Variants in STAM observed in about 807,000 individuals in gnomAD.
The protein encoded by STAM is signal transducing adaptor molecule.
STAM carries 16 observed loss-of-function variants against 63.4 expected under a neutral mutation model. The observed-to-expected ratio is 0.25, with a 90% CI of 0.17 to 0.38. The LOEUF is 0.38. Among genes scored for constraint, STAM ranks in the 10% least tolerant of loss-of-function variants. STAM has a pLI of 1.00. For synonymous variants in STAM, 238 were observed against 223.9 expected, an observed-to-expected ratio of 1.06 and a Z score of -0.56; for missense variants, 636 against 657.1, an observed-to-expected ratio of 0.97 and a Z score of 0.35.
intron 1 of STAM, among the ~76,000 whole-genome samples, chr10:17,644,610 C>T (rs1253933414): frequency 6.6e-6 from 1 of 152,114 alleles, no homozygotes; most frequent in African/African-American, 2.4e-5. Flanking sequence ...CTGTAGGTTG[C>T]CAAAGAACTG....
At chr10:17,685,792 G>T (rs1462501236) in intron 4 of STAM, among the ~76,000 whole-genome samples, 2 of 152,106 alleles carry the variant, frequency 1.3e-5, no homozygotes, top group African/African-American at 4.8e-5. Flanking sequence ...GGGAGAACTG[G>T]GGACCCTACA....
intron 13 of STAM, among the ~76,000 whole-genome samples, chr10:17,712,329 C>G (rs1836590927): frequency 6.6e-6 from 1 of 152,158 alleles, no homozygotes. Context: ...AGCGCATAGA[C>G]TCTATATTAC....
chr10:17,660,356 TTTG>T, intron 1 of STAM, 105 bp from the exon 2 acceptor site: 1 of 657,706 alleles, frequency 1.5e-6, no homozygotes, highest in Non-Finnish European at 2.5e-6. Flanking sequence ...ACTATTCTGA[TTTG>T]TTGTTAAGAC....
intron 2 of STAM, among the ~76,000 whole-genome samples, chr10:17,680,086 C>T (rs984892849): frequency 2.6e-5 from 4 of 152,046 alleles, no homozygotes; most frequent in African/African-American, 9.7e-5. Flanking sequence ...TTTATTGCCT[C>T]TCTTTATTGT....
chr10:17,648,870 A>C (rs1183116069), intron 1 of STAM, among the ~76,000 whole-genome samples: 1 of 152,194 alleles, frequency 6.6e-6, no homozygotes, highest in Non-Finnish European at 1.5e-5. Flanking sequence ...TGTGGCTCAC[A>C]ATATGGCTTC....
chr10:17,699,768 A>AC (rs1554828115), intron 8 of STAM, among the ~76,000 whole-genome samples: 104 of 150,392 alleles, frequency 6.9e-4, no homozygotes, highest in African/African-American at 2.5e-3. Flanking sequence ...GTCAAACCAG[A>AC]TTTTTTTTTT....
chr10:17,662,717 A>G (rs1834221740), intron 2 of STAM, among the ~76,000 whole-genome samples: 1 of 152,176 alleles, frequency 6.6e-6, no homozygotes, highest in Non-Finnish European at 1.5e-5. Context: ...TTACTTTTCC[A>G]GTTTACCACC....
intron 1 of STAM, 67 bp downstream of exon 1, chr10:17,644,446 C>T: frequency 1.3e-6 from 2 of 1,595,946 alleles, no homozygotes; most frequent in Non-Finnish European, 1.7e-6. Flanking sequence ...CAGCCCCTGC[C>T]TGCATTCAGG....
chr10:17,667,023 C>G (rs1834415757), intron 2 of STAM, among the ~76,000 whole-genome samples: 1 of 152,076 alleles, frequency 6.6e-6, no homozygotes, highest in Admixed American at 6.5e-5. Context: ...CACAGCAGTT[C>G]TAGGTACTGT....
chr10:17,657,123 C>G (rs565346576), intron 1 of STAM, among the ~76,000 whole-genome samples: 2 of 152,158 alleles, frequency 1.3e-5, no homozygotes, highest in Non-Finnish European at 2.9e-5. Context: ...ATGCCCCTGC[C>G]TGGGCTCACT....
At chr10:17,710,531 T>C (rs1554829963) in intron 13 of STAM, among the ~76,000 whole-genome samples, 1 of 152,260 alleles carries the variant, frequency 6.6e-6, no homozygotes, top group African/African-American at 2.4e-5. Flanking sequence ...TATTCTTTAG[T>C]TGTTAGCTTA....
intron 2 of STAM, among the ~76,000 whole-genome samples, chr10:17,683,069 T>G (rs1003939553): frequency 6.6e-6 from 1 of 152,186 alleles, no homozygotes; most frequent in South Asian, 2.1e-4. Flanking sequence ...ACAATCTTAA[T>G]CTGCCATTTT....
intron 4 of STAM, among the ~76,000 whole-genome samples, chr10:17,687,344 G>A (rs930018926): frequency 1.3e-5 from 2 of 152,076 alleles, no homozygotes; most frequent in African/African-American, 4.8e-5. Flanking sequence ...GCATGGTGGT[G>A]CGCGCCTGTA....
At chr10:17,687,484 G>C (rs548557684) in intron 4 of STAM, among the ~76,000 whole-genome samples, 49 of 143,162 alleles carry the variant, frequency 3.4e-4, no homozygotes, top group African/African-American at 1.2e-3. Flanking sequence ...GTGAGACTCT[G>C]TCTCAAAAAA....
At chr10:17,666,654 C>G (rs1834399972) in intron 2 of STAM, among the ~76,000 whole-genome samples, 1 of 152,142 alleles carries the variant, frequency 6.6e-6, no homozygotes, top group African/African-American at 2.4e-5. Flanking sequence ...GCCTTGGCCT[C>G]CCAAAGCGCT....
chr10:17,695,640 T>A (rs1554827390), intron 7 of STAM: 1 of 154,636 alleles, frequency 6.5e-6, no homozygotes, highest in Admixed American at 6.5e-5. Flanking sequence ...AGGGAACAAA[T>A]TTATTTTGTA....
intron 2 of STAM, among the ~76,000 whole-genome samples, chr10:17,669,221 A>G (rs1268531187): frequency 6.6e-6 from 1 of 151,910 alleles, no homozygotes; most frequent in Non-Finnish European, 1.5e-5. Flanking sequence ...TATTTCTTTT[A>G]TATATTATAT....
intron 13 of STAM, among the ~76,000 whole-genome samples, chr10:17,712,344 A>G (rs1187152765): frequency 1.3e-5 from 2 of 152,210 alleles, no homozygotes; most frequent in African/African-American, 2.4e-5. Context: ...TATTACGGCA[A>G]TATTATAGCC....
rs140532472 is a variant in STAM, at chr10:17,654,587, T to A, written c.41-5877T>A. On this transcript the variant is annotated intron_variant, in intron 1 of 13. Transcript: ENST00000377524. ...TTTGTGGCTTCATATTGCAGATACATGAGTAGTCTTATCATTTTTTTGAGC... is the reference window on the plus strand; with the variant it reads ...TTTGTGGCTTCATATTGCAGATACAAGAGTAGTCTTATCATTTTTTTGAGC... Among the ~76,000 whole-genome samples the A allele has an allele frequency of 1.6e-3, 240 of 152,326 alleles. 2 individuals carry two copies. The East Asian group carries it at 0.029, about 19-fold the overall frequency.
Sources: allele counts gnomAD v4.1 joint callset (sites outside exome capture counted in the v4.1 genomes callset), GRCh38; gene constraint gnomAD v4.1.1; transcripts MANE v1.5; gene names NCBI Gene and HGNC (gene_info 2026-07-23, HGNC 2026-07-21).